CDK12: variants seen among roughly 807,000 people sequenced by gnomAD.
CDK12 encodes cyclin dependent kinase 12.
Under a neutral mutation model 133.8 loss-of-function variants are expected in CDK12, and 17 were observed. The observed-to-expected ratio is 0.13, with a 90% confidence interval of 0.09 to 0.19. The LOEUF (loss-of-function observed/expected upper bound fraction) is 0.19, where lower values mean the gene tolerates loss of function less well. Among genes scored for constraint, CDK12 ranks in the 10% least tolerant of loss-of-function variants. CDK12 has a pLI of 1.00. For missense variants in CDK12, 1,508 were observed against 1,818.7 expected, an observed-to-expected ratio of 0.83 and a Z score of 3.11; for synonymous variants, 694 against 683.6, an observed-to-expected ratio of 1.02 and a Z score of -0.24.
At position 39,530,920 on chromosome 17, in the gene CDK12, T is replaced by G; in HGVS notation, c.4077T>G (p.Gly1359=). Reference sequence around the variant, plus strand: ...TTGACACTGATGAACGAAACTCTGGTCCAGCCTTGACAGAATCCTTGGTCC... The same window carrying G: ...TTGACACTGATGAACGAAACTCTGGGCCAGCCTTGACAGAATCCTTGGTCC... ...SAIDTDERNS[G]PALTESLVQT... The change falls in exon 14 of 14, where the codon GGT becomes GGG. Residue 1359 remains glycine, a synonymous_variant. Transcript: ENST00000447079. 6.2e-7 allele frequency: 1 copy of G among 1,614,194 alleles called. No individual in the cohort carries two copies. Among genetic ancestry groups the G allele is most frequent in the Non-Finnish European group, 8.5e-7 (1 of 1,180,028 alleles).
chr17:39,463,421 C>G (rs971222924), intron 1 of CDK12, among the ~76,000 whole-genome samples: 2 of 152,108 alleles, frequency 1.3e-5, no homozygotes, highest in African/African-American at 4.8e-5. Flanking sequence ...ATACTAGTTC[C>G]CAGAGCATGT....
At chr17:39,525,821 G>A (rs1277955880) in intron 12 of CDK12, 43 bp from the exon 13 acceptor site, 2 of 1,516,468 alleles carry the variant, frequency 1.3e-6, no homozygotes, top group Non-Finnish European at 1.8e-6. Context: ...AGGGCCCTTG[G>A]CCTATCTCAT....
chr17:39,539,462 T>C (rs1041244345), downstream of CDK12, among the ~76,000 whole-genome samples: 5 of 152,166 alleles, frequency 3.3e-5, no homozygotes, highest in Non-Finnish European at 7.3e-5. Flanking sequence ...AATTTGAAAA[T>C]TGACAGAATA....
upstream of CDK12, among the ~76,000 whole-genome samples, chr17:39,544,780 A>G (rs924706237): frequency 2.6e-5 from 4 of 151,684 alleles, no homozygotes; most frequent in African/African-American, 9.7e-5. Flanking sequence ...ACAGGCATGC[A>G]CCACCACACC....
chr17:39,504,795 C>T (rs1598092466), intron 6 of CDK12, among the ~76,000 whole-genome samples: 1 of 135,270 alleles, frequency 7.4e-6, no homozygotes, highest in Admixed American at 8.6e-5. Context: ...ATGAGAACTG[C>T]TTGAACCTGG....
chr17:39,530,802 A>G lies in CDK12; in HGVS notation c.3959A>G (p.His1320Arg). The G allele has an allele frequency of 1.2e-6, 2 of 1,614,178 alleles. No individual in the cohort carries two copies. The highest frequency in any genetic ancestry group is 2.2e-5 in the South Asian group (2 of 91,080). Reference sequence around the variant, plus strand: ...CCTCCTGGCCACCTGCCACATGAGCACCAGGCCTTGAGACCAATGGAGTAC... The same window carrying G: ...CCTCCTGGCCACCTGCCACATGAGCGCCAGGCCTTGAGACCAATGGAGTAC... Reference protein sequence around the residue: ...AEPPGHLPHEHQALRPMEYST... With the variant: ...AEPPGHLPHERQALRPMEYST... The change falls in exon 14 of 14, where the codon CAC becomes CGC. Residue 1320 changes from histidine (H) to arginine (R), a missense_variant. Around this residue, in one of 9 missense-constraint regions of CDK12, gnomAD observed 399 missense variants for 469.6 expected, o/e 0.85. Transcript: ENST00000447079.
At chr17:39,463,217 T>C (rs946427401) in intron 1 of CDK12, 100 bp downstream of exon 1, 17 of 1,020,566 alleles carry the variant, frequency 1.7e-5, no homozygotes, top group Admixed American at 4.4e-5. Flanking sequence ...GTGTTCATCA[T>C]TGACTAGAAC....
Position 39,461,998 on chromosome 17 carries a change from TGGGG to T in CDK12, c.-70_-67del. The T allele has an allele frequency of 1.0e-6, 1 of 962,732 alleles. No homozygotes were observed. The highest frequency in any genetic ancestry group is 1.4e-6 in the Non-Finnish European group (1 of 728,194). 59.6% of individuals were successfully genotyped at this position (962,732 alleles called of 1,614,324 possible). ...GCTTTGGTGGGCGTGGAGTTGGGGTTGGGGGGGTGGGTGGGGGTTGCTTTTTGGA... is the reference window on the plus strand; with the variant it reads ...GCTTTGGTGGGCGTGGAGTTGGGGTTGGGTGGGTGGGGGTTGCTTTTTGGA... On this transcript the variant is annotated 5_prime_UTR_variant, in exon 1 of 14. Coordinates refer to ENST00000447079, the MANE Select transcript of CDK12 (RefSeq NM_016507.4).
intron 3 of CDK12, among the ~76,000 whole-genome samples, chr17:39,563,924 CTA>C (rs2056482568): frequency 6.6e-6 from 1 of 152,172 alleles, no homozygotes; most frequent in Non-Finnish European, 1.5e-5. Context: ...CGTTAATGTT[CTA>C]TATCTCCATT....
chr17:39,477,045 C>G (rs1179514085), intron 2 of CDK12, among the ~76,000 whole-genome samples: 8 of 149,282 alleles, frequency 5.4e-5, no homozygotes, highest in Non-Finnish European at 1.0e-4. Context: ...TTTTTTGAGA[C>G]AGTCTCACTC....
At chr17:39,564,052 C>G (rs912199823) in intron 3 of CDK12, among the ~76,000 whole-genome samples, 7 of 152,216 alleles carry the variant, frequency 4.6e-5, no homozygotes, top group Non-Finnish European at 1.0e-4. Flanking sequence ...CCAGTCTGTA[C>G]TCGCCCTTTA....
chr17:39,530,411 A>G (rs2054756353), intron 13 of CDK12, 193 bp from the exon 14 acceptor site: 2 of 685,170 alleles, frequency 2.9e-6, no homozygotes, highest in Non-Finnish European at 2.2e-6. Flanking sequence ...TAGCTGTTAG[A>G]TCCAGGATGC....
downstream of CDK12, among the ~76,000 whole-genome samples, chr17:39,537,770 G>A (rs1264923466): frequency 1.3e-5 from 2 of 151,888 alleles, no homozygotes; most frequent in Non-Finnish European, 2.9e-5. Flanking sequence ...CACCATGCTG[G>A]CCAGGCTGGT....
chr17:39,492,878 G>T lies in CDK12; in HGVS notation c.2236G>T (p.Asp746Tyr). The T allele has an allele frequency of 6.2e-7, 1 of 1,605,218 alleles. No individual in the cohort carries two copies. Among genetic ancestry groups the T allele is most frequent in the South Asian group, 1.1e-5 (1 of 88,780 alleles). Residue 746 changes from aspartate to tyrosine, a missense_variant, in exon 4 of 14, where the codon GAC (aspartate) becomes TAC (tyrosine). This residue lies in a region of CDK12 where 74 missense variants were observed against 160.2 expected (regional missense o/e 0.46). Coordinates refer to ENST00000447079, the MANE Select transcript of CDK12 (RefSeq NM_016507.4). ...GTYGQVYKAK[D>Y]KDTGELVALK... ...CTATGGCCAAGTATATAAAGCCAAG[G>T]ACAAAGACACAGGTAAATATTGCCA...
intron 4 of CDK12, among the ~76,000 whole-genome samples, chr17:39,493,952 C>T (rs931812066): frequency 2.2e-4 from 34 of 152,064 alleles, no homozygotes; most frequent in East Asian, 1.4e-3. Flanking sequence ...GCGGAGATCG[C>T]GCCAGTGCCC....
At chr17:39,562,452 G>A (rs1186408959) in intron 3 of CDK12, among the ~76,000 whole-genome samples, 1 of 152,078 alleles carries the variant, frequency 6.6e-6, no homozygotes, top group East Asian at 1.9e-4. Context: ...CCAAGATGGT[G>A]AGGAAATCTC....
upstream of CDK12, chr17:39,549,095 AC>A: frequency 6.6e-6 from 1 of 152,178 alleles, no homozygotes; most frequent in Non-Finnish European, 1.5e-5. Flanking sequence ...GGTTGGCAAA[AC>A]CCCCACTCTT....
At position 39,552,141 on chromosome 17, in the gene CDK12, G is replaced by C. The variant is rs554605768; in HGVS notation, n.356+999G>C. Among the ~76,000 whole-genome samples, 6 of 152,142 alleles carry C rather than the reference G, an allele frequency of 3.9e-5. No individual in the cohort carries two copies. In the South Asian group the frequency reaches 1.2e-3, roughly 32 times the overall value. The stretch of plus-strand genomic sequence containing the variant: ...CTTCAGACTGTGAGTCATCTCCTTG[G>C]CTGTCTCATTGCCTGCCTTCTTAAC... On this transcript the variant is annotated intron_variant and non_coding_transcript_variant, in intron 2 of 3. Transcript: ENST00000558240.
intron 2 of CDK12, among the ~76,000 whole-genome samples, chr17:39,473,063 G>A (rs1014051499): frequency 1.2e-4 from 18 of 151,186 alleles, no homozygotes; most frequent in African/African-American, 4.4e-4. Context: ...GCGATAGAGC[G>A]AGACTCCGTC....
Sources: gnomAD v4.1 joint callset for allele counts (sites outside exome capture counted in the v4.1 genomes callset) on GRCh38, gnomAD v4.1.1 for gene constraint, gnomAD v4.1.1 regional missense constraint, MANE v1.5 for transcripts, NCBI Gene and HGNC (gene_info 2026-07-23, HGNC 2026-07-21) for gene names.